The following GPHN variants were observed in gnomAD, a reference collection of about 807,000 sequenced individuals.
GPHN encodes the protein gephyrin.
Under a neutral mutation model 95.5 loss-of-function variants are expected in GPHN, and 17 were observed. The ratio of observed to expected loss-of-function variants is 0.18; its 90% CI spans 0.12 to 0.27. The LOEUF (loss-of-function observed/expected upper bound fraction) is 0.27, where lower values mean the gene tolerates loss of function less well. GPHN is among the 10% of genes least tolerant of loss of function. GPHN has a pLI of 1.00. For synonymous variants in GPHN, 320 were observed against 322.5 expected, an observed-to-expected ratio of 0.99 and a Z score of 0.08; for missense variants, 660 against 978.1, an observed-to-expected ratio of 0.67 and a Z score of 4.34.
Position 67,181,521 on chromosome 14 carries a change from A to G in GPHN, c.*584A>G, listed in dbSNP as rs1595523172. The G allele has an allele frequency of 1.9e-6, 1 of 513,002 alleles. No individual in the cohort carries two copies. The highest frequency in any genetic ancestry group is 1.6e-5 in the South Asian group (1 of 64,458). 31.8% of individuals were successfully genotyped at this position (513,002 alleles called of 1,614,324 possible). A position where few individuals can be genotyped will look rare whatever the true frequency, so the allele number is the denominator to read the frequency against. Reference sequence around the variant, plus strand: ...TCTCGCCCCAATAGCCTCACGGCACAGTACTCTTGGGCAGTAACTGGACAC... The same window carrying G: ...TCTCGCCCCAATAGCCTCACGGCACGGTACTCTTGGGCAGTAACTGGACAC... On this transcript the variant is annotated 3_prime_UTR_variant, in exon 23 of 23. Coordinates refer to ENST00000478722, the MANE Select transcript of GPHN (RefSeq NM_020806.5).
intron 5 of GPHN, among the ~76,000 whole-genome samples, chr14:66,908,455 AC>A (rs1256039527): frequency 1.1e-4 from 16 of 152,134 alleles, no homozygotes; most frequent in Admixed American, 9.2e-4. Flanking sequence ...TATACAAATA[AC>A]TTTTTGCACA....
At chr14:66,961,253 G>A (rs1199675131) in intron 8 of GPHN, among the ~76,000 whole-genome samples, 1 of 151,762 alleles carries the variant, frequency 6.6e-6, no homozygotes, top group African/African-American at 2.4e-5. Context: ...TCAGAGTTCT[G>A]GTAAAGTTTA....
chr14:67,293,183 TTAATA>T, the GPHN span, among the ~76,000 whole-genome samples: 1 of 152,166 alleles, frequency 6.6e-6, no homozygotes, highest in South Asian at 2.1e-4. Flanking sequence ...TTATTAAATC[TTAATA>T]TACTATGGGA....
the GPHN span, among the ~76,000 whole-genome samples, chr14:67,424,022 G>A: frequency 2.6e-5 from 4 of 152,110 alleles, no homozygotes. Context: ...CAGATCACCT[G>A]AGGTCGGGAG....
intron 11 of GPHN, among the ~76,000 whole-genome samples, chr14:67,077,039 CTT>C (rs1250700808): frequency 1.3e-5 from 2 of 152,152 alleles, no homozygotes; most frequent in African/African-American, 4.8e-5. Flanking sequence ...GCTTTTCACT[CTT>C]ATATCCAAAA....
the GPHN span, chr14:67,223,739 T>G: frequency 1.7e-5 from 17 of 984,518 alleles, no homozygotes; most frequent in African/African-American, 2.8e-4. Flanking sequence ...TTTTCCCACT[T>G]TTTTCTTACT....
the GPHN span, chr14:67,573,511 G>C: frequency 1.3e-5 from 9 of 696,438 alleles, no homozygotes; most frequent in African/African-American, 7.1e-5. This position sits in a 1 kb window ranked among gnomAD's most constrained non-coding sequence, Gnocchi z 4.8. Flanking sequence ...GGCAGGTGGG[G>C]AGAGGCAACC....
At chr14:66,851,184 A>G (rs1380775784) in intron 4 of GPHN, among the ~76,000 whole-genome samples, 1 of 151,832 alleles carries the variant, frequency 6.6e-6, no homozygotes, top group Non-Finnish European at 1.5e-5. Flanking sequence ...ATAGTAAGTT[A>G]CACCATAATG....
chr14:66,543,794 A>C (rs1418533673), intron 1 of GPHN, among the ~76,000 whole-genome samples: 3 of 152,070 alleles, frequency 2.0e-5, no homozygotes, highest in African/African-American at 7.2e-5. Context: ...CACCACTTTC[A>C]CTGCCATTAC....
At chr14:67,486,349 A>T in the GPHN span, among the ~76,000 whole-genome samples, 4 of 152,244 alleles carry the variant, frequency 2.6e-5, no homozygotes, top group Admixed American at 1.3e-4. Flanking sequence ...ATCTTGGCTC[A>T]CTGCAACCTC....
At chr14:67,580,972 T>TG in the GPHN span, 4 of 1,613,382 alleles carry the variant, frequency 2.5e-6, no homozygotes, top group African/African-American at 5.3e-5. Context: ...GAACAAGCCA[T>TG]GAAGGAGCTG....
intron 3 of GPHN, among the ~76,000 whole-genome samples, chr14:66,798,687 G>A (rs2060242221): frequency 6.6e-6 from 1 of 151,186 alleles, no homozygotes; most frequent in Non-Finnish European, 1.5e-5. Context: ...GTATTTATTT[G>A]GATCTTCCCT....
intron 1 of GPHN, among the ~76,000 whole-genome samples, chr14:66,658,540 CCAT>C (rs2065444863): frequency 6.6e-6 from 1 of 152,098 alleles, no homozygotes; most frequent in Non-Finnish European, 1.5e-5. Context: ...GCAACCACCA[CCAT>C]GATGAGTTAG....
At chr14:67,562,378 A>G in the GPHN span, 1 of 1,613,552 alleles carries the variant, frequency 6.2e-7, no homozygotes, top group African/African-American at 1.3e-5. Context: ...CTGGGGAAAC[A>G]GTAGAGGCCA....
the GPHN span, among the ~76,000 whole-genome samples, chr14:67,456,280 C>T: frequency 1.4e-4 from 21 of 152,246 alleles, no homozygotes; most frequent in East Asian, 7.7e-4. Context: ...CCATCTCATA[C>T]GAGTCAGAAT....
intron 2 of GPHN, among the ~76,000 whole-genome samples, chr14:66,759,750 G>A (rs748161560): frequency 6.6e-6 from 1 of 152,124 alleles, no homozygotes; most frequent in African/African-American, 2.4e-5. Context: ...ATATGAGGCT[G>A]CTTTGATCAT....
the GPHN span, chr14:67,392,621 C>T: frequency 6.4e-7 from 1 of 1,568,036 alleles, no homozygotes; most frequent in Non-Finnish European, 8.7e-7. Context: ...TCTTCCTTAA[C>T]TTTTGCCCTG....
intron 1 of GPHN, among the ~76,000 whole-genome samples, chr14:66,538,698 T>A (rs2059230444): frequency 1.3e-5 from 2 of 151,874 alleles, no homozygotes; most frequent in Admixed American, 1.3e-4. Context: ...ATAATGGCTA[T>A]TTTAAAGCCA....
intron 1 of GPHN, among the ~76,000 whole-genome samples, chr14:66,680,350 A>G (rs552035644): frequency 6.6e-6 from 1 of 152,330 alleles, no homozygotes; most frequent in South Asian, 2.1e-4. Context: ...TCACAGTGGT[A>G]GGCTACATCT....
Sources: gnomAD v4.1 joint callset for allele counts (sites outside exome capture counted in the v4.1 genomes callset) on GRCh38, gnomAD v4.1.1 for gene constraint, Gnocchi (gnomAD v3.1) non-coding constraint, MANE v1.5 for transcripts, NCBI Gene and HGNC (gene_info 2026-07-23, HGNC 2026-07-21) for gene names.